Variants in GRIK2 observed in about 807,000 individuals in gnomAD.
The protein encoded by GRIK2 is glutamate ionotropic receptor kainate type subunit 2.
GRIK2 carries 32 observed loss-of-function variants against 100.3 expected under a neutral mutation model. The observed-to-expected ratio is 0.32, with a 90% confidence interval of 0.24 to 0.43. The LOEUF is 0.43. Among genes scored for constraint, GRIK2 ranks in the 20% least tolerant of loss-of-function variants. The pLI is 1.00. For synonymous variants in GRIK2, 417 were observed against 389.4 expected (o/e 1.07, Z -0.83); for missense variants, 843 against 1,114.9 (o/e 0.76, Z 3.47).
At chr6:101,944,968 C>T (rs540097749) in intron 14 of GRIK2, among the ~76,000 whole-genome samples, 32 of 151,934 alleles carry the variant, frequency 2.1e-4, no homozygotes, top group Non-Finnish European at 4.6e-4. Flanking sequence ...TAGTAAATTA[C>T]TTCACTTGGA....
At chr6:102,060,006 T>A (rs1234694927) in intron 16 of GRIK2, among the ~76,000 whole-genome samples, 2 of 149,658 alleles carry the variant, frequency 1.3e-5, no homozygotes, top group Admixed American at 6.7e-5. Flanking sequence ...AGAAATAAAA[T>A]ATATATATAT....
chr6:101,538,621 T>A (rs1775836027), intron 2 of GRIK2, among the ~76,000 whole-genome samples: 1 of 151,382 alleles, frequency 6.6e-6, no homozygotes, highest in Non-Finnish European at 1.5e-5. Flanking sequence ...TCTTTTTTTT[T>A]TTAAATTCAA....
chr6:101,873,741 A>G (rs1322405922), intron 11 of GRIK2, among the ~76,000 whole-genome samples: 2 of 151,904 alleles, frequency 1.3e-5, no homozygotes, highest in African/African-American at 4.8e-5. Context: ...ATTTCTCCAC[A>G]TCCTCTCCAG....
At chr6:101,605,042 C>G (rs1779381821) in intron 2 of GRIK2, among the ~76,000 whole-genome samples, 1 of 151,924 alleles carries the variant, frequency 6.6e-6, no homozygotes, top group South Asian at 2.1e-4. Context: ...TATCTTTTGG[C>G]TGGATATCAT....
At chr6:101,612,045 C>A (rs923437725) in intron 2 of GRIK2, among the ~76,000 whole-genome samples, 1 of 151,762 alleles carries the variant, frequency 6.6e-6, no homozygotes, top group Non-Finnish European at 1.5e-5. Context: ...GGCAATATTA[C>A]CCAGCAAGAA....
intron 14 of GRIK2, among the ~76,000 whole-genome samples, chr6:101,962,398 C>A (rs1792362851): frequency 6.6e-6 from 1 of 152,016 alleles, no homozygotes; most frequent in Non-Finnish European, 1.5e-5. Flanking sequence ...AAGGCACATG[C>A]TCTGTGTGCT....
At chr6:101,525,720 A>T (rs994551354) in intron 2 of GRIK2, among the ~76,000 whole-genome samples, 4 of 152,234 alleles carry the variant, frequency 2.6e-5, no homozygotes, top group Admixed American at 6.5e-5. Context: ...TTTATAAAAA[A>T]TAAGTTCGCT....
intron 2 of GRIK2, among the ~76,000 whole-genome samples, chr6:101,571,200 AGTATT>A (rs1777508737): frequency 6.6e-6 from 1 of 152,170 alleles, no homozygotes; most frequent in African/African-American, 2.4e-5. Context: ...CACAGTGATC[AGTATT>A]GATATGTTTG....
intron 2 of GRIK2, among the ~76,000 whole-genome samples, chr6:101,432,087 G>C (rs979993108): frequency 2.6e-5 from 4 of 151,874 alleles, no homozygotes; most frequent in African/African-American, 9.7e-5. Flanking sequence ...TTTAATTGTT[G>C]CTCTTCTCAT....
chr6:102,045,172 G>A (rs1250147957), intron 15 of GRIK2, among the ~76,000 whole-genome samples: 1 of 151,958 alleles, frequency 6.6e-6, no homozygotes, highest in Non-Finnish European at 1.5e-5. Context: ...TGCCCTGCTA[G>A]AGTTCTCAGT....
At chr6:101,978,003 G>T (rs527725896) in intron 14 of GRIK2, among the ~76,000 whole-genome samples, 39 of 151,990 alleles carry the variant, frequency 2.6e-4, no homozygotes, top group African/African-American at 9.2e-4. Flanking sequence ...GAAAAAAAGT[G>T]GTTTAAATTA....
chr6:101,815,824 A>G (rs1163264473), intron 9 of GRIK2, among the ~76,000 whole-genome samples: 1 of 152,194 alleles, frequency 6.6e-6, no homozygotes, highest in Non-Finnish European at 1.5e-5. Context: ...ATTTTATTTG[A>G]CTTAAAATAT....
intron 7 of GRIK2, among the ~76,000 whole-genome samples, chr6:101,713,029 T>C (rs2128360203): frequency 6.6e-6 from 1 of 151,908 alleles, no homozygotes; most frequent in Non-Finnish European, 1.5e-5. Context: ...AACTCTAATT[T>C]TTCATTTTAC....
intron 7 of GRIK2, among the ~76,000 whole-genome samples, chr6:101,760,864 A>G (rs73761413): frequency 6.6e-6 from 1 of 150,456 alleles, no homozygotes; most frequent in African/African-American, 2.4e-5. Context: ...ACACTGTCAT[A>G]CAAAATTAAT....
intron 9 of GRIK2, among the ~76,000 whole-genome samples, 192 bp from the exon 10 acceptor site, chr6:101,818,178 T>C (rs1781748668): frequency 6.6e-6 from 1 of 152,220 alleles, no homozygotes; most frequent in African/African-American, 2.4e-5. Context: ...GTTTTGTTCT[T>C]TAATGTTACA....
At chr6:101,421,611 G>A (rs1335666833) in intron 2 of GRIK2, among the ~76,000 whole-genome samples, 2 of 152,154 alleles carry the variant, frequency 1.3e-5, no homozygotes, top group Non-Finnish European at 2.9e-5. Flanking sequence ...ATGTCTTAAA[G>A]TCAGATCATC....
chr6:101,445,668 G>T (rs959291074), intron 2 of GRIK2, among the ~76,000 whole-genome samples: 3 of 152,048 alleles, frequency 2.0e-5, no homozygotes, highest in African/African-American at 4.8e-5. Flanking sequence ...TTCTGTTAAC[G>T]TGGGCTATGG....
intron 2 of GRIK2, among the ~76,000 whole-genome samples, chr6:101,530,400 C>A (rs1775380742): frequency 6.6e-6 from 1 of 151,714 alleles, no homozygotes; most frequent in Non-Finnish European, 1.5e-5. Context: ...AAAAAACATT[C>A]TGAACAATAT....
chr6:101,874,509 A>G (rs1473189338), intron 11 of GRIK2, among the ~76,000 whole-genome samples: 6 of 152,102 alleles, frequency 3.9e-5, no homozygotes, highest in Non-Finnish European at 8.8e-5. Context: ...GCCTTGTAAT[A>G]TAGTTTGAAG....
Sources: allele counts gnomAD v4.1 joint callset (sites outside exome capture counted in the v4.1 genomes callset), GRCh38; gene constraint gnomAD v4.1.1; transcripts MANE v1.5; gene names NCBI Gene and HGNC (gene_info 2026-07-23, HGNC 2026-07-21).